ADAMTSL3: variants seen among roughly 807,000 people sequenced by gnomAD.
ADAMTSL3 encodes the protein ADAMTS like 3.
In ADAMTSL3, 128 loss-of-function variants were observed where a neutral mutation model predicts 201.7. That is an observed-to-expected ratio of 0.63 (90% CI 0.55 to 0.73). The LOEUF is 0.73. Ranked by LOEUF, ADAMTSL3 falls within the 30% of genes least tolerant of loss-of-function variation. ADAMTSL3 has a pLI of 0.00. For synonymous variants in ADAMTSL3, 738 were observed against 748.4 expected (o/e 0.99, Z 0.23); for missense variants, 1,990 against 2,119.6 (o/e 0.94, Z 1.20).
intron 5 of ADAMTSL3, 150 bp from the exon 6 acceptor site, chr15:83,819,661 C>CA (rs11301352): frequency 6.4e-3 from 3,359 of 522,646 alleles, no homozygotes; most frequent in African/African-American, 0.015. Flanking sequence ...AACGTTGAAT[C>CA]AAAAAAAAAA....
chr15:83,820,060 A>C lies in ADAMTSL3; in HGVS notation c.600+13A>C. On this transcript the variant is annotated intron_variant, in intron 6 of 29. Transcript: ENST00000286744. ...TGGCATCTGTCAGGTAAGCACACTT[A>C]CCTCCCAATCCCCTGCTTTGGGGAT... 1 of 1,603,732 alleles carries C rather than the reference A, an allele frequency of 6.2e-7. No homozygotes were observed. Among genetic ancestry groups the C allele is most frequent in the Non-Finnish European group, 8.5e-7 (1 of 1,170,770 alleles).
intron 28 of ADAMTSL3, 104 bp from the exon 29 acceptor site, chr15:84,036,669 A>T: frequency 2.5e-6 from 2 of 801,464 alleles, no homozygotes; most frequent in Non-Finnish European, 1.9e-6. Flanking sequence ...TCCAACCTTT[A>T]ATACGTAGTA....
intron 3 of ADAMTSL3, among the ~76,000 whole-genome samples, chr15:83,746,396 T>C (rs2062548161): frequency 6.6e-6 from 1 of 151,782 alleles, no homozygotes; most frequent in African/African-American, 2.4e-5. Context: ...ATTCACCACC[T>C]GGGGTTCTGT....
At chr15:83,818,493 A>C (rs2063803077) in intron 5 of ADAMTSL3, among the ~76,000 whole-genome samples, 2 of 152,126 alleles carry the variant, frequency 1.3e-5, no homozygotes, top group South Asian at 4.1e-4. Context: ...CACCCAGCTA[A>C]TTCTTGTATT....
At chr15:83,761,538 A>G (rs905829073) in intron 3 of ADAMTSL3, among the ~76,000 whole-genome samples, 2 of 152,044 alleles carry the variant, frequency 1.3e-5, no homozygotes, top group Non-Finnish European at 2.9e-5. Flanking sequence ...CCTGGAGGAC[A>G]TTTTTGCTTT....
At chr15:83,888,947 G>A (rs2065452794) in intron 10 of ADAMTSL3, among the ~76,000 whole-genome samples, 1 of 152,184 alleles carries the variant, frequency 6.6e-6, no homozygotes, top group Admixed American at 6.5e-5. Context: ...CAGAGGCAGA[G>A]TGCTTGGCTT....
intron 6 of ADAMTSL3, among the ~76,000 whole-genome samples, chr15:83,836,272 C>T (rs950742106): frequency 2.0e-5 from 3 of 152,144 alleles, no homozygotes; most frequent in Admixed American, 1.3e-4. Flanking sequence ...TCTGACTTTT[C>T]AAACTTTCTC....
chr15:83,846,778 A>G (rs1567185831), intron 7 of ADAMTSL3, among the ~76,000 whole-genome samples: 1 of 152,272 alleles, frequency 6.6e-6, no homozygotes, highest in African/African-American at 2.4e-5. Context: ...CTACAGAGTC[A>G]GAAGGCAGAT....
intron 5 of ADAMTSL3, among the ~76,000 whole-genome samples, chr15:83,809,105 T>C (rs572346359): frequency 6.6e-6 from 1 of 152,202 alleles, no homozygotes; most frequent in East Asian, 1.9e-4. Flanking sequence ...CAAGACATTG[T>C]ATATCTCAAT....
intron 25 of ADAMTSL3, 100 bp downstream of exon 25, chr15:84,016,599 T>G: frequency 9.9e-7 from 1 of 1,009,334 alleles, no homozygotes; most frequent in Non-Finnish European, 1.5e-6. Flanking sequence ...TTGCAATATG[T>G]AAAATTATTT....
intron 4 of ADAMTSL3, among the ~76,000 whole-genome samples, chr15:83,783,289 G>A (rs1171349899): frequency 6.6e-6 from 1 of 151,528 alleles, no homozygotes; most frequent in African/African-American, 2.4e-5. Context: ...ATATCACAAG[G>A]GCAAATAGAA....
At position 83,926,728 on chromosome 15, in the gene ADAMTSL3, G is replaced by A. The variant is rs567088862; in HGVS notation, c.2117+2695G>A. ...CCTCCTGGGTTCAAGCGATTCTCCTGCCTCAGCCTCCTGAGTAGCTGGGGT... is the reference window on the plus strand; with the variant it reads ...CCTCCTGGGTTCAAGCGATTCTCCTACCTCAGCCTCCTGAGTAGCTGGGGT... On this transcript the variant is annotated intron_variant, in intron 17 of 29. Transcript: ENST00000286744. Among the ~76,000 whole-genome samples the A allele has an allele frequency of 2.9e-3, 445 of 151,150 alleles. 2 individuals are homozygous for A. Among genetic ancestry groups the A allele is most frequent in the African/African-American group, 1.0e-2 (411 of 41,168 alleles).
At chr15:83,923,565 T>C (rs184882778) in intron 16 of ADAMTSL3, among the ~76,000 whole-genome samples, 1 of 152,216 alleles carries the variant, frequency 6.6e-6, no homozygotes, top group African/African-American at 2.4e-5. Flanking sequence ...TGATGGCTTA[T>C]TTGGGGGAAC....
chr15:83,831,991 G>T (rs2064166317), intron 6 of ADAMTSL3, among the ~76,000 whole-genome samples: 1 of 152,218 alleles, frequency 6.6e-6, no homozygotes, highest in Admixed American at 6.5e-5. Context: ...GCTCTTCAAA[G>T]GAGTTGATAA....
At chr15:83,860,789 C>T (rs937417767) in intron 8 of ADAMTSL3, among the ~76,000 whole-genome samples, 1 of 152,170 alleles carries the variant, frequency 6.6e-6, no homozygotes, top group Non-Finnish European at 1.5e-5. Context: ...GTACCGGGTT[C>T]CTCTCTCTGG....
intron 8 of ADAMTSL3, among the ~76,000 whole-genome samples, chr15:83,867,217 C>A (rs1472242759): frequency 6.6e-6 from 1 of 152,130 alleles, no homozygotes; most frequent in African/African-American, 2.4e-5. Flanking sequence ...ACTGAAAATA[C>A]CCAGCAACAT....
At chr15:83,823,893 CTCTTCTTCTTCTTCTTCTTCTTCTTCT>C (rs759090787) in intron 6 of ADAMTSL3, among the ~76,000 whole-genome samples, 3,225 of 93,072 alleles carry the variant, frequency 0.035, 136 homozygotes, top group Middle Eastern at 0.082. Flanking sequence ...CTTCTTCTTC[CTCTTCTTCTTCTTCTTCTTCTTCTTCT>C]TCTTCTTCTT....
intron 6 of ADAMTSL3, among the ~76,000 whole-genome samples, chr15:83,820,841 G>A (rs1009071176): frequency 2.6e-5 from 4 of 152,146 alleles, no homozygotes; most frequent in Non-Finnish European, 4.4e-5. Context: ...TTGGGAGGCC[G>A]AGGTGGGTGG....
In ADAMTSL3 at chr15:83,669,764, G is replaced by A. The variant is rs145901592; in HGVS notation, c.69+13934G>A. Among the ~76,000 whole-genome samples, 1,302 of 151,378 alleles carry A rather than the reference G, an allele frequency of 8.6e-3. 14 individuals are homozygous for A. Among genetic ancestry groups the A allele is most frequent in the African/African-American group, 0.028 (1,137 of 41,336 alleles). On this transcript the variant is annotated intron_variant, in intron 2 of 29. Transcript: ENST00000286744. Reference sequence around the variant, plus strand: ...ATTACAGGTGTGAGCCACCGCGCCCGGCCAGGAGTGAGTATTTTTGAAAAA... The same window carrying A: ...ATTACAGGTGTGAGCCACCGCGCCCAGCCAGGAGTGAGTATTTTTGAAAAA...
Sources: gnomAD v4.1 joint callset for allele counts (sites outside exome capture counted in the v4.1 genomes callset) on GRCh38, gnomAD v4.1.1 for gene constraint, MANE v1.5 for transcripts, NCBI Gene and HGNC (gene_info 2026-07-23, HGNC 2026-07-21) for gene names.